Variants in RAD51B observed in about 807,000 individuals in gnomAD.
The protein encoded by RAD51B is DNA repair protein RAD51 homolog 2.
A neutral mutation model predicts 42.2 loss-of-function variants in RAD51B; 38 were observed. The ratio of observed to expected loss-of-function variants is 0.90; its 90% CI spans 0.70 to 1.18. RAD51B has a LOEUF of 1.18. Among genes scored for constraint, RAD51B ranks in the 50% most tolerant of loss-of-function variants. RAD51B has a pLI of 0.00. For missense variants in RAD51B, 373 were observed against 400.7 expected (o/e 0.93, Z 0.59); for synonymous variants, 154 against 145.2 (o/e 1.06, Z -0.43).
At chr14:68,095,013 G>T (rs1175160797) in intron 7 of RAD51B, among the ~76,000 whole-genome samples, 2 of 152,208 alleles carry the variant, frequency 1.3e-5, no homozygotes, top group African/African-American at 2.4e-5. Flanking sequence ...CCACAAGGCA[G>T]ACTGAGTAGT....
chr14:68,098,218 A>G (rs1478586024), intron 7 of RAD51B, among the ~76,000 whole-genome samples: 7 of 152,236 alleles, frequency 4.6e-5, no homozygotes, highest in Non-Finnish European at 2.9e-5. Context: ...GTTTGACTGA[A>G]TATAGAATAG....
intron 8 of RAD51B, among the ~76,000 whole-genome samples, chr14:68,385,759 TTAGA>T (rs1172895399): frequency 6.6e-6 from 1 of 152,202 alleles, no homozygotes; most frequent in Non-Finnish European, 1.5e-5. Context: ...CTGAGAATGA[TTAGA>T]TAATTTGTGA....
chr14:67,850,616 CTG>C (rs982781007), intron 4 of RAD51B, among the ~76,000 whole-genome samples: 8 of 152,164 alleles, frequency 5.3e-5, no homozygotes, highest in Non-Finnish European at 8.8e-5. Context: ...ATAGGCTAGA[CTG>C]TGGAGGGCTG....
intron 11 of RAD51B, among the ~76,000 whole-genome samples, chr14:68,652,316 C>A (rs545826415): frequency 6.6e-6 from 1 of 152,222 alleles, no homozygotes; most frequent in Non-Finnish European, 1.5e-5. Flanking sequence ...TCTCCTTGCT[C>A]GCCCTTGTTT....
At chr14:68,255,170 A>T (rs759169286) in intron 7 of RAD51B, among the ~76,000 whole-genome samples, 1 of 151,830 alleles carries the variant, frequency 6.6e-6, no homozygotes. Flanking sequence ...CCCACTAAAA[A>T]CATTAATATC....
intron 10 of RAD51B, among the ~76,000 whole-genome samples, chr14:68,549,650 G>A (rs28671277): frequency 0.21 from 31,944 of 150,800 alleles, 3,740 homozygotes; most frequent in Middle Eastern, 0.36. Context: ...TCCTGACCTC[G>A]TGATCCGCCC....
rs3784097 is a variant in RAD51B, at chr14:68,278,870, C to G, written c.757-13014C>G. Among the ~76,000 whole-genome samples the G allele has an allele frequency of 2.8e-3, 427 of 152,296 alleles. 12 individuals carry two copies. The East Asian group carries it at 0.048, about 17-fold the overall frequency. Reference sequence around the variant, plus strand: ...TTTTCTTTGCGTTCCTGTGCTTGCTCTCCTGGTGAGATAGGAAACCTTTAA... The same window carrying G: ...TTTTCTTTGCGTTCCTGTGCTTGCTGTCCTGGTGAGATAGGAAACCTTTAA... On this transcript the variant is annotated intron_variant, in intron 7 of 10. Coordinates refer to ENST00000471583, the MANE Select transcript of RAD51B (RefSeq NM_133510.4).
intron 7 of RAD51B, among the ~76,000 whole-genome samples, chr14:68,238,738 G>T (rs1233561880): frequency 6.6e-6 from 1 of 152,208 alleles, no homozygotes; most frequent in African/African-American, 2.4e-5. Context: ...CTGCGTTGTG[G>T]TCTGTGGAAC....
chr14:68,213,372 A>G (rs1021905362), intron 7 of RAD51B, among the ~76,000 whole-genome samples: 4 of 152,210 alleles, frequency 2.6e-5, no homozygotes, highest in South Asian at 2.1e-4. Flanking sequence ...CCCACAGCCA[A>G]TAAGAGGCAC....
chr14:68,285,498 C>T (rs2081396936), intron 7 of RAD51B, among the ~76,000 whole-genome samples: 1 of 152,198 alleles, frequency 6.6e-6, no homozygotes, highest in African/African-American at 2.4e-5. Context: ...TGAGTAGACT[C>T]AGCACCCACA....
intron 7 of RAD51B, among the ~76,000 whole-genome samples, chr14:67,919,142 A>G (rs1220416122): frequency 6.6e-6 from 1 of 152,222 alleles, no homozygotes; most frequent in Admixed American, 6.5e-5. Flanking sequence ...AAAGAGTTTC[A>G]TAGTTTGTTC....
At chr14:68,451,337 A>G (rs1292869661) in intron 9 of RAD51B, among the ~76,000 whole-genome samples, 1 of 152,192 alleles carries the variant, frequency 6.6e-6, no homozygotes, top group Non-Finnish European at 1.5e-5. Flanking sequence ...ATTCCCTTAT[A>G]ATAGTTGATA....
At chr14:68,403,252 A>G (rs1310795560) in intron 8 of RAD51B, among the ~76,000 whole-genome samples, 13 of 152,118 alleles carry the variant, frequency 8.5e-5, no homozygotes, top group Non-Finnish European at 4.4e-5. Flanking sequence ...CCAGTCCGCT[A>G]AGGCCATGAA....
At chr14:67,914,013 C>G (rs563532018) in intron 7 of RAD51B, among the ~76,000 whole-genome samples, 1 of 150,724 alleles carries the variant, frequency 6.6e-6, no homozygotes, top group African/African-American at 2.5e-5. Flanking sequence ...GATGGGGCCT[C>G]GCTCTTTCAC....
At chr14:68,348,461 T>C (rs1053308786) in intron 8 of RAD51B, among the ~76,000 whole-genome samples, 25 of 152,230 alleles carry the variant, frequency 1.6e-4, no homozygotes, top group African/African-American at 5.8e-4. Flanking sequence ...CAGGTTAAAA[T>C]GGTTTATGCA....
At chr14:68,632,646 C>T (rs1035180748) in intron 10 of RAD51B, among the ~76,000 whole-genome samples, 1 of 152,196 alleles carries the variant, frequency 6.6e-6, no homozygotes, top group African/African-American at 2.4e-5. Context: ...TATTCTTGAC[C>T]TAACACACCA....
intron 4 of RAD51B, among the ~76,000 whole-genome samples, chr14:67,859,818 G>C (rs11624166): frequency 0.41 from 62,092 of 151,962 alleles, 13,747 homozygotes; most frequent in African/African-American, 0.55. Context: ...ATGGCAACAA[G>C]TTAAATGAAT....
intron 7 of RAD51B, among the ~76,000 whole-genome samples, chr14:68,133,148 A>G (rs938567586): frequency 2.6e-5 from 4 of 152,222 alleles, no homozygotes; most frequent in Admixed American, 6.5e-5. Context: ...AATGAATCTT[A>G]TGTTGGTGGG....
intron 10 of RAD51B, chr14:68,497,610 C>G (rs957546972): frequency 3.7e-5 from 30 of 811,728 alleles, no homozygotes; most frequent in Middle Eastern, 1.0e-3. Context: ...GATGTGCAAC[C>G]AGCATCTCTG....
Sources: gnomAD v4.1 joint callset for allele counts (sites outside exome capture counted in the v4.1 genomes callset) on GRCh38, gnomAD v4.1.1 for gene constraint, MANE v1.5 for transcripts, NCBI Gene and HGNC (gene_info 2026-07-23, HGNC 2026-07-21) for gene names.